The following CSMD3 variants were observed in gnomAD, a reference collection of about 807,000 sequenced individuals.
The protein encoded by CSMD3 is CUB and sushi domain-containing protein 3.
CSMD3 carries 177 observed loss-of-function variants against 435.2 expected under a neutral mutation model. The observed-to-expected ratio is 0.41, with a 90% confidence interval of 0.36 to 0.46. The LOEUF (loss-of-function observed/expected upper bound fraction) is 0.46, where lower values mean the gene tolerates loss of function less well. Ranked by LOEUF, CSMD3 falls within the 20% of genes least tolerant of loss-of-function variation. The pLI is 0.34. For synonymous variants in CSMD3, 1,656 were observed against 1,520.5 expected (o/e 1.09, Z -2.07); for missense variants, 4,265 against 4,504.6 (o/e 0.95, Z 1.52).
intron 31 of CSMD3, among the ~76,000 whole-genome samples, chr8:112,490,702 T>A (rs1820603602): frequency 6.6e-6 from 1 of 152,128 alleles, no homozygotes; most frequent in Non-Finnish European, 1.5e-5. Flanking sequence ...TTTCTATAGT[T>A]TCCAAATGAT....
chr8:112,863,452 A>G (rs2080882299), intron 10 of CSMD3, among the ~76,000 whole-genome samples: 1 of 151,944 alleles, frequency 6.6e-6, no homozygotes, highest in Non-Finnish European at 1.5e-5. Flanking sequence ...CCGTACATAA[A>G]TGTATAAGAA....
Position 112,923,399 on chromosome 8 carries a change from T to C in CSMD3, c.1509-1648A>G, listed in dbSNP as rs116573747. 1.5e-3 allele frequency among the ~76,000 whole-genome samples: 222 copies of C among 152,292 alleles called. 1 individual carries two copies. Among genetic ancestry groups the C allele is most frequent in the African/African-American group, 5.1e-3 (211 of 41,584 alleles). On this transcript the variant is annotated intron_variant, in intron 9 of 70. Coordinates refer to ENST00000297405, the MANE Select transcript of CSMD3 (RefSeq NM_198123.2). ...CTGCTAATTTGCAGGATTAATTTCC[T>C]ATGCTTTCTCCTTCCATGTCTGTTC...
At chr8:112,756,166 A>T (rs971304843) in intron 13 of CSMD3, among the ~76,000 whole-genome samples, 3 of 152,166 alleles carry the variant, frequency 2.0e-5, no homozygotes, top group African/African-American at 7.2e-5. Flanking sequence ...CTTGGTATCC[A>T]GGACTCCGTT....
At chr8:112,907,480 G>A (rs918355490) in intron 10 of CSMD3, among the ~76,000 whole-genome samples, 4 of 151,248 alleles carry the variant, frequency 2.6e-5, no homozygotes, top group Non-Finnish European at 4.4e-5. Context: ...TACTTGACGT[G>A]TTTTCTCATC....
intron 1 of CSMD3, among the ~76,000 whole-genome samples, chr8:113,421,883 A>G (rs2094610579): frequency 6.6e-6 from 1 of 152,222 alleles, no homozygotes; most frequent in African/African-American, 2.4e-5. Flanking sequence ...ACACTCTGAT[A>G]GAATTTTATC....
intron 13 of CSMD3, among the ~76,000 whole-genome samples, chr8:112,792,515 A>G (rs977261627): frequency 1.1e-4 from 16 of 152,278 alleles, no homozygotes; most frequent in Non-Finnish European, 2.2e-4. Context: ...TCTAGACACC[A>G]TCATATATGG....
At chr8:112,265,348 T>A (rs1412404981) in intron 60 of CSMD3, 63 bp downstream of exon 60, 10 of 1,258,420 alleles carry the variant, frequency 7.9e-6, no homozygotes, top group Non-Finnish European at 1.1e-5. Flanking sequence ...TAAATTTGTA[T>A]ATAAAAATAA....
intron 1 of CSMD3, among the ~76,000 whole-genome samples, chr8:113,396,091 T>C (rs571464202): frequency 6.6e-6 from 1 of 152,250 alleles, no homozygotes; most frequent in East Asian, 1.9e-4. Flanking sequence ...CTATGCTATA[T>C]TTACTTCCTC....
At chr8:112,330,361 A>G (rs1823916315) in intron 45 of CSMD3, among the ~76,000 whole-genome samples, 1 of 152,272 alleles carries the variant, frequency 6.6e-6, no homozygotes. Context: ...TTATTAAATC[A>G]TATTATGCTA....
At chr8:113,321,029 C>T (rs958408371) in intron 1 of CSMD3, among the ~76,000 whole-genome samples, 3 of 152,026 alleles carry the variant, frequency 2.0e-5, no homozygotes, top group African/African-American at 7.2e-5. Context: ...TTTTTCTATT[C>T]TAAACCCTGT....
rs530257378 is a variant in CSMD3, at chr8:113,412,896, A to G, written c.178+23781T>C. Among the ~76,000 whole-genome samples the G allele has an allele frequency of 1.1e-4, 17 of 152,224 alleles. No homozygotes were observed. The East Asian group carries it at 3.3e-3, about 29-fold the overall frequency. On this transcript the variant is annotated intron_variant, in intron 1 of 70. Transcript: ENST00000297405. The stretch of plus-strand genomic sequence containing the variant: ...CAAGACCTCCATGCCTGGCCAGGTT[A>G]TCTCCCAAATACACACATAATCATG...
chr8:112,304,554 A>G (rs567048752), intron 52 of CSMD3, among the ~76,000 whole-genome samples, 167 bp downstream of exon 52: 12 of 152,286 alleles, frequency 7.9e-5, no homozygotes, highest in Admixed American at 3.9e-4. Context: ...AGCATTTACT[A>G]ATACATAGAA....
chr8:113,025,439 C>T (rs2086841826), intron 5 of CSMD3, among the ~76,000 whole-genome samples: 1 of 152,080 alleles, frequency 6.6e-6, no homozygotes, highest in Non-Finnish European at 1.5e-5. Flanking sequence ...TAATAATGGC[C>T]ACCATGATAG....
intron 5 of CSMD3, among the ~76,000 whole-genome samples, chr8:113,050,122 C>A (rs1022585730): frequency 2.6e-5 from 4 of 152,028 alleles, no homozygotes; most frequent in South Asian, 2.1e-4. Context: ...GATATTTAAA[C>A]ATATGATTTC....
intron 5 of CSMD3, among the ~76,000 whole-genome samples, chr8:113,020,048 A>G (rs1206182433): frequency 1.3e-5 from 2 of 150,420 alleles, no homozygotes; most frequent in Non-Finnish European, 3.0e-5. Context: ...CTGTAGTCCC[A>G]GCTACTCGGG....
intron 5 of CSMD3, among the ~76,000 whole-genome samples, chr8:113,084,541 GATTCA>G (rs1181160888): frequency 6.9e-6 from 1 of 144,834 alleles, no homozygotes; most frequent in East Asian, 2.0e-4. Context: ...GGAATATACA[GATTCA>G]ATGGAATCTC....
chr8:112,545,511 A>AT (rs1827110689), intron 27 of CSMD3, among the ~76,000 whole-genome samples: 4 of 142,182 alleles, frequency 2.8e-5, no homozygotes, highest in African/African-American at 8.0e-5. Flanking sequence ...AAATAATAAT[A>AT]ATAATAATAA....
intron 32 of CSMD3, among the ~76,000 whole-genome samples, chr8:112,461,574 C>T (rs999152111): frequency 6.6e-6 from 1 of 151,948 alleles, no homozygotes. Context: ...TGCCTAAATA[C>T]CAGCAGGGAA....
chr8:113,187,824 A>G (rs895299838), intron 3 of CSMD3, among the ~76,000 whole-genome samples: 1 of 151,876 alleles, frequency 6.6e-6, no homozygotes, highest in African/African-American at 2.4e-5. Context: ...AAGGAAGTCC[A>G]ATTTCTCACC....
Sources: gnomAD v4.1 joint callset for allele counts (sites outside exome capture counted in the v4.1 genomes callset) on GRCh38, gnomAD v4.1.1 for gene constraint, MANE v1.5 for transcripts, NCBI Gene and HGNC (gene_info 2026-07-23, HGNC 2026-07-21) for gene names.